Variants in GRSF1 observed in about 807,000 individuals in gnomAD.
The protein encoded by GRSF1 is G-rich RNA sequence binding factor 1, also known as G-rich sequence factor 1.
GRSF1 carries 50 observed loss-of-function variants against 51.1 expected under a neutral mutation model. That is an observed-to-expected ratio of 0.98 (90% CI 0.78 to 1.24). GRSF1 has a LOEUF of 1.24. Among genes scored for constraint, GRSF1 ranks in the 50% most tolerant of loss-of-function variants. The pLI is 0.00. For missense variants in GRSF1, 700 were observed against 639.7 expected (o/e 1.09, Z -1.02); for synonymous variants, 293 against 253.3 (o/e 1.16, Z -1.49).
At chr4:70,823,005 G>A (rs975841579) in intron 9 of GRSF1, among the ~76,000 whole-genome samples, 1 of 152,078 alleles carries the variant, frequency 6.6e-6, no homozygotes, top group African/African-American at 2.4e-5. Flanking sequence ...ACTGAGGCAG[G>A]AGAATCACTT....
At chr4:70,826,615 G>T (rs891626939) in intron 6 of GRSF1, among the ~76,000 whole-genome samples, 4 of 151,558 alleles carry the variant, frequency 2.6e-5, no homozygotes, top group African/African-American at 9.7e-5. Flanking sequence ...TGAAGCAGGA[G>T]AATCACTTGA....
chr4:70,839,846 A>C lies in GRSF1; in HGVS notation c.-19T>G. The stretch of plus-strand genomic sequence containing the variant: ...CGGCCATGGACTCCGGAGGCGGCGC[A>C]GGGCCTGAAGGCAGCTGCTCCAGCA... On this transcript the variant is annotated 5_prime_UTR_variant, in exon 1 of 10. Coordinates refer to ENST00000254799, the MANE Select transcript of GRSF1 (RefSeq NM_002092.4). 6.8e-7 allele frequency: 1 copy of C among 1,472,202 alleles called. No individual in the cohort carries two copies. The highest frequency in any genetic ancestry group is 8.9e-7 in the Non-Finnish European group (1 of 1,120,736). The allele number at this position is 1,472,202 out of a possible 1,614,324, so 91.2% of individuals were successfully genotyped here.
chr4:70,838,591 G>A (rs1216707630), intron 1 of GRSF1, among the ~76,000 whole-genome samples: 1 of 152,196 alleles, frequency 6.6e-6, no homozygotes, highest in Non-Finnish European at 1.5e-5. Flanking sequence ...TAAGGAATCA[G>A]GGGCTGGGTA....
chr4:70,828,030 G>C lies in GRSF1; in HGVS notation c.957C>G (p.Ile319Met), dbSNP rs370613759. The change falls in exon 6 of 10, where the codon ATC becomes ATG. Residue 319 changes from isoleucine to methionine, a missense_variant. Coordinates refer to ENST00000254799, the MANE Select transcript of GRSF1 (RefSeq NM_002092.4). The stretch of plus-strand genomic sequence containing the variant: ...CATTCCTTCTGCTTGGAAATATCTC[G>C]ATGTATCTATGTCAAAGCAAAAGTA... ...KHREEIGNRY[I>M]EIFPSRRNEV... is the part of the protein sequence containing the mutation. 2.5e-6 allele frequency: 4 copies of C among 1,612,054 alleles called. No homozygotes were observed. The highest frequency in any genetic ancestry group is 1.1e-5 in the South Asian group (1 of 90,912).
chr4:70,821,338 T>G (rs1044608910), intron 9 of GRSF1, among the ~76,000 whole-genome samples: 1 of 152,082 alleles, frequency 6.6e-6, no homozygotes. Flanking sequence ...GGCAGGAGAA[T>G]CACTTGAACC....
chr4:70,822,187 CA>C (rs923560187), intron 9 of GRSF1, among the ~76,000 whole-genome samples: 61 of 145,166 alleles, frequency 4.2e-4, no homozygotes, highest in African/African-American at 1.2e-3. Context: ...CTTCCTAAGG[CA>C]AAAAAAAAAT....
chr4:70,838,289 G>C lies in GRSF1; in HGVS notation c.357+1182C>G, dbSNP rs58626942. Among the ~76,000 whole-genome samples the C allele has an allele frequency of 8.6e-4, 128 of 148,344 alleles. 1 individual carries two copies. Among genetic ancestry groups the C allele is most frequent in the African/African-American group, 2.7e-3 (109 of 40,442 alleles). ...AAATGTAAGCAGTGTCTAACACATA[G>C]TAGATGCTCTACAGATATCACCGCA... On this transcript the variant is annotated intron_variant, in intron 1 of 9. Transcript: ENST00000254799.
chr4:70,831,707 A>C, intron 4 of GRSF1, 33 bp from the exon 5 acceptor site: 1 of 1,576,658 alleles, frequency 6.3e-7, no homozygotes, highest in East Asian at 2.3e-5. Context: ...TGCTACTAGC[A>C]GGCTTTTTTA....
Position 70,823,883 on chromosome 4 carries a change from TAA to T in GRSF1, c.*25+409_*25+410del, listed in dbSNP as rs377495146. On this transcript the variant is annotated intron_variant, in intron 9 of 9. Transcript: ENST00000254799. ...CTAGTCCCTAAAAAAATTTGAAAAA[TAA>T]AAAGAGAATGGTTTCTACCATATTA... 2.8e-4 allele frequency among the ~76,000 whole-genome samples: 41 copies of T among 148,854 alleles called. No individual in the cohort carries two copies. In the East Asian group the frequency reaches 8.0e-3, roughly 29 times the overall value.
rs1163112905 is a variant in GRSF1, at chr4:70,817,701, G to A, written c.*3186C>T. 6.6e-6 allele frequency: 1 copy of A among 152,184 alleles called. No individual in the cohort carries two copies. The highest frequency in any genetic ancestry group is 2.4e-5 in the African/African-American group (1 of 41,438). The allele number at this position is 152,184 out of a possible 1,614,324, so 9.4% of individuals were successfully genotyped here. A position where few individuals can be genotyped will look rare whatever the true frequency, so the allele number is the denominator to read the frequency against. On this transcript the variant is annotated 3_prime_UTR_variant, in exon 10 of 10. Transcript: ENST00000254799. ...CAAAATAGTCATGTTGGAACAGTTT[G>A]GCAGTTTCTTCCAAAACTAAACATA...
In GRSF1 at chr4:70,827,859, C is replaced by T. The variant is rs1354929079; in HGVS notation, c.1128G>A (p.Lys376=). ...GAAGAGGCAGGACCTTACCTATTTC[C>T]TTCTCACTTTCAAAAGCTGTCATGG... ...IQPMTAFESE[K]EIELPKEVPE... Residue 376 remains lysine, a synonymous_variant, in exon 6 of 10, where the codon AAG becomes AAA. Coordinates refer to ENST00000254799, the MANE Select transcript of GRSF1 (RefSeq NM_002092.4). 3.7e-6 allele frequency: 6 copies of T among 1,607,448 alleles called. No individual in the cohort carries two copies. The highest frequency in any genetic ancestry group is 1.3e-5 in the African/African-American group (1 of 74,672).
At chr4:70,821,901 C>G (rs1733526750) in intron 9 of GRSF1, among the ~76,000 whole-genome samples, 1 of 152,052 alleles carries the variant, frequency 6.6e-6, no homozygotes, top group African/African-American at 2.4e-5. Context: ...GTCTCAAACT[C>G]CTGACCTCAG....
intron 2 of GRSF1, among the ~76,000 whole-genome samples, chr4:70,834,038 C>T (rs1734092158): frequency 6.6e-6 from 1 of 152,144 alleles, no homozygotes; most frequent in African/African-American, 2.4e-5. Context: ...GGTGGTGGAT[C>T]ACCTGAGGTC....
intron 6 of GRSF1, among the ~76,000 whole-genome samples, chr4:70,827,220 G>A (rs548066257): frequency 2.4e-4 from 36 of 151,436 alleles, no homozygotes; most frequent in African/African-American, 8.0e-4. Flanking sequence ...CCTGGGAGGC[G>A]GAACCTGCAG....
rs1464591385 is a variant in GRSF1 at position 70,839,822 on chromosome 4, G to A, written c.6C>T (p.Ala2=). The change falls in exon 1 of 10, where the codon GCC becomes GCT. Residue 2 remains alanine, a synonymous_variant. Coordinates refer to ENST00000254799, the MANE Select transcript of GRSF1 (RefSeq NM_002092.4). M[A]GTRWVLGALL... is the part of the protein sequence containing the mutation. Reference sequence around the variant, plus strand: ...GCGCCCCGAGTACCCAGCGCGTGCCGGCCATGGACTCCGGAGGCGGCGCAG... The same window carrying A: ...GCGCCCCGAGTACCCAGCGCGTGCCAGCCATGGACTCCGGAGGCGGCGCAG... 2 of 1,495,180 alleles carry A rather than the reference G, an allele frequency of 1.3e-6. No individual in the cohort carries two copies. The highest frequency in any genetic ancestry group is 1.8e-6 in the Non-Finnish European group (2 of 1,130,064). 92.6% of individuals were successfully genotyped at this position (1,495,180 alleles called of 1,614,324 possible).
chr4:70,839,352 A>C, intron 1 of GRSF1, 119 bp downstream of exon 1: 1 of 1,503,060 alleles, frequency 6.7e-7, no homozygotes, highest in Non-Finnish European at 8.9e-7. Flanking sequence ...GTGTGCGGCG[A>C]GTGTCGCGGA....
chr4:70,829,094 T>C (rs760837486), intron 5 of GRSF1, among the ~76,000 whole-genome samples: 28 of 152,162 alleles, frequency 1.8e-4, no homozygotes, highest in African/African-American at 6.3e-4. Context: ...TCTTGCCATG[T>C]TGCCCAAGTT....
chr4:70,838,881 T>G, intron 1 of GRSF1: 1 of 306,764 alleles, frequency 3.3e-6, no homozygotes, highest in Non-Finnish European at 6.4e-6. Context: ...TCTGTATGAG[T>G]GGAGTTGCAG....
intron 7 of GRSF1, 116 bp from the exon 8 acceptor site, chr4:70,825,547 T>C (rs1733702143): frequency 7.2e-6 from 5 of 697,118 alleles, no homozygotes; most frequent in Non-Finnish European, 1.1e-5. Flanking sequence ...TACATTTCTT[T>C]TTAGGAAATC....
Sources: gnomAD v4.1 joint callset for allele counts (sites outside exome capture counted in the v4.1 genomes callset) on GRCh38, gnomAD v4.1.1 for gene constraint, MANE v1.5 for transcripts, NCBI Gene and HGNC (gene_info 2026-07-23, HGNC 2026-07-21) for gene names.